Variants in ADAMTSL1 observed in about 807,000 individuals in gnomAD.
ADAMTSL1 encodes ADAMTS-like protein 1.
ADAMTSL1 carries 126 observed loss-of-function variants against 201.8 expected under a neutral mutation model. The ratio of observed to expected loss-of-function variants is 0.62; its 90% CI spans 0.54 to 0.72. The LOEUF is 0.72. ADAMTSL1 is among the 30% of genes least tolerant of loss of function. The pLI is 0.00. For synonymous variants in ADAMTSL1, 1,121 were observed against 903.4 expected, an observed-to-expected ratio of 1.24 and a Z score of -4.32; for missense variants, 2,679 against 2,277.8, an observed-to-expected ratio of 1.18 and a Z score of -3.59.
At chr9:18,347,166 A>T (rs1436787265) in intron 2 of ADAMTSL1, among the ~76,000 whole-genome samples, 2 of 152,154 alleles carry the variant, frequency 1.3e-5, no homozygotes, top group Non-Finnish European at 2.9e-5. Context: ...GTAGGGCAAT[A>T]AATGATATTG....
intron 13 of ADAMTSL1, among the ~76,000 whole-genome samples, chr9:18,695,068 G>C (rs915356025): frequency 2.6e-5 from 4 of 152,232 alleles, no homozygotes; most frequent in Non-Finnish European, 5.9e-5. Context: ...CATGGCTGGA[G>C]CTGGAGCAGC....
intron 2 of ADAMTSL1, among the ~76,000 whole-genome samples, chr9:18,412,333 G>C (rs1429011855): frequency 6.6e-6 from 1 of 152,176 alleles, no homozygotes; most frequent in Admixed American, 6.5e-5. Flanking sequence ...GGTGGGATCA[G>C]CCATTGTAAA....
At chr9:18,748,472 T>C (rs920107893) in intron 15 of ADAMTSL1, among the ~76,000 whole-genome samples, 1 of 152,186 alleles carries the variant, frequency 6.6e-6, no homozygotes, top group African/African-American at 2.4e-5. Flanking sequence ...TGTGGTAAAA[T>C]GTATAAATAT....
intron 1 of ADAMTSL1, among the ~76,000 whole-genome samples, chr9:17,986,270 G>A (rs952386506): frequency 3.3e-5 from 5 of 151,996 alleles, no homozygotes; most frequent in Non-Finnish European, 7.4e-5. Flanking sequence ...TTCTTTAACA[G>A]CCTTTCTGCA....
intron 2 of ADAMTSL1, among the ~76,000 whole-genome samples, chr9:18,440,145 T>C (rs996864924): frequency 2.0e-5 from 3 of 152,192 alleles, no homozygotes; most frequent in Admixed American, 6.5e-5. Flanking sequence ...CCTTGCATTA[T>C]TCTTCTTGAT....
intron 2 of ADAMTSL1, among the ~76,000 whole-genome samples, chr9:18,379,493 A>G (rs1413104233): frequency 1.3e-5 from 2 of 152,206 alleles, no homozygotes; most frequent in Admixed American, 6.5e-5. Flanking sequence ...ATTTTGTAGA[A>G]TGGAAGCTGC....
intron 2 of ADAMTSL1, among the ~76,000 whole-genome samples, chr9:18,171,069 A>G (rs890880229): frequency 1.3e-5 from 2 of 152,126 alleles, no homozygotes; most frequent in Admixed American, 6.6e-5. Flanking sequence ...CATATCTAGC[A>G]TAACCAGAAT....
intron 2 of ADAMTSL1, among the ~76,000 whole-genome samples, chr9:18,221,965 CTATTA>C (rs377359781): frequency 3.6e-4 from 54 of 152,052 alleles, no homozygotes; most frequent in African/African-American, 1.2e-3. Context: ...ATTTCAGACT[CTATTA>C]TAAAGTACAT....
At chr9:18,678,911 G>A (rs1480019140) in intron 10 of ADAMTSL1, among the ~76,000 whole-genome samples, 1 of 152,106 alleles carries the variant, frequency 6.6e-6, no homozygotes, top group Non-Finnish European at 1.5e-5. Flanking sequence ...TCTTGAAAGA[G>A]ATCAGAAAGT....
At chr9:18,680,098 T>C (rs781196480) in intron 10 of ADAMTSL1, among the ~76,000 whole-genome samples, 2 of 152,232 alleles carry the variant, frequency 1.3e-5, no homozygotes, top group Non-Finnish European at 2.9e-5. Context: ...TACATTTGTA[T>C]AGAGCTTCAC....
intron 2 of ADAMTSL1, among the ~76,000 whole-genome samples, chr9:18,469,019 G>C (rs1821108566): frequency 6.6e-6 from 1 of 152,172 alleles, no homozygotes; most frequent in South Asian, 2.1e-4. Flanking sequence ...CTGCAGTAGT[G>C]AATCAGATTG....
chr9:18,014,668 T>C (rs1448469784), intron 1 of ADAMTSL1, among the ~76,000 whole-genome samples: 1 of 151,992 alleles, frequency 6.6e-6, no homozygotes, highest in Non-Finnish European at 1.5e-5. Flanking sequence ...CAAAGCAAAG[T>C]TGTTAATGCT....
chr9:18,217,408 A>G (rs563962583), intron 2 of ADAMTSL1, among the ~76,000 whole-genome samples: 1 of 152,082 alleles, frequency 6.6e-6, no homozygotes, highest in South Asian at 2.1e-4. Flanking sequence ...AAGAAGTAGC[A>G]TTACCCCTCC....
chr9:18,143,013 A>G (rs1826466182), intron 1 of ADAMTSL1, among the ~76,000 whole-genome samples: 1 of 152,186 alleles, frequency 6.6e-6, no homozygotes. Flanking sequence ...GACTCAGTAA[A>G]TACTGGGTGC....
chr9:18,070,547 G>C (rs1395840635), intron 1 of ADAMTSL1, among the ~76,000 whole-genome samples: 1 of 152,160 alleles, frequency 6.6e-6, no homozygotes. Context: ...TTGAGGAAGC[G>C]TTTTGCACAA....
intron 6 of ADAMTSL1, among the ~76,000 whole-genome samples, chr9:18,638,930 A>G (rs983006924): frequency 3.9e-5 from 6 of 152,078 alleles, no homozygotes; most frequent in African/African-American, 1.4e-4. Context: ...AAAGAGACAT[A>G]TGAGAATTGG....
chr9:18,059,541 C>T (rs559595485), intron 1 of ADAMTSL1, among the ~76,000 whole-genome samples: 8 of 151,996 alleles, frequency 5.3e-5, no homozygotes, highest in African/African-American at 1.9e-4. Context: ...TTTGATAGGC[C>T]TTAGGGGATA....
At chr9:18,456,251 G>A (rs961513149) in intron 2 of ADAMTSL1, among the ~76,000 whole-genome samples, 1 of 152,120 alleles carries the variant, frequency 6.6e-6, no homozygotes, top group East Asian at 1.9e-4. Context: ...AGACTCTAGC[G>A]AAGGTCTACG....
intron 20 of ADAMTSL1, among the ~76,000 whole-genome samples, chr9:18,797,040 T>G (rs1822467034): frequency 6.6e-6 from 1 of 152,196 alleles, no homozygotes. Flanking sequence ...GCAAGGCAAT[T>G]GTAACATCAG....
Sources: allele counts gnomAD v4.1 joint callset (sites outside exome capture counted in the v4.1 genomes callset), GRCh38; gene constraint gnomAD v4.1.1; transcripts MANE v1.5; gene names NCBI Gene and HGNC (gene_info 2026-07-23, HGNC 2026-07-21).